FGF14: variants seen among roughly 807,000 people sequenced by gnomAD.
The protein encoded by FGF14 is fibroblast growth factor 14, also known as fibroblast growth factor homologous factor 4.
FGF14 carries 5 observed loss-of-function variants against 25.5 expected under a neutral mutation model. The observed-to-expected ratio is 0.20, with a 90% CI of 0.10 to 0.41. The LOEUF is 0.41. Ranked by LOEUF, FGF14 falls within the 10% of genes least tolerant of loss-of-function variation. FGF14 has a pLI of 1.00. For synonymous variants in FGF14, 138 were observed against 118.3 expected (o/e 1.17, Z -1.08); for missense variants, 222 against 320.1 (o/e 0.69, Z 2.34).
At chr13:102,189,815 T>C (rs1466322620) in intron 1 of FGF14, among the ~76,000 whole-genome samples, 2 of 152,084 alleles carry the variant, frequency 1.3e-5, no homozygotes, top group African/African-American at 4.8e-5. Flanking sequence ...GTTGAAGGCA[T>C]AGGAGGAGCC....
chr13:101,936,660 G>A (rs956498922), intron 1 of FGF14, among the ~76,000 whole-genome samples: 9 of 152,168 alleles, frequency 5.9e-5, no homozygotes, highest in African/African-American at 1.9e-4. Flanking sequence ...GGAGCTAGCT[G>A]CCTTCTTCCT....
intron 1 of FGF14, among the ~76,000 whole-genome samples, chr13:101,953,667 T>C (rs2139408830): frequency 6.6e-6 from 1 of 151,744 alleles, no homozygotes; most frequent in East Asian, 1.9e-4. Context: ...CTTGGCTCAC[T>C]GCAACCTCTG....
intron 3 of FGF14, among the ~76,000 whole-genome samples, chr13:101,824,342 C>A (rs1055800565): frequency 6.6e-6 from 1 of 152,108 alleles, no homozygotes; most frequent in African/African-American, 2.4e-5. Flanking sequence ...TGCGCGCGTG[C>A]ACGCTTACCA....
At chr13:102,003,994 C>T (rs2139755044) in intron 1 of FGF14, among the ~76,000 whole-genome samples, 2 of 152,256 alleles carry the variant, frequency 1.3e-5, no homozygotes, top group East Asian at 3.9e-4. Flanking sequence ...TCATACCTCC[C>T]CAGAGAGTTA....
chr13:101,724,595 AAAATATATATATAT>A (rs2035246980), intron 4 of FGF14, among the ~76,000 whole-genome samples: 4 of 35,168 alleles, frequency 1.1e-4, no homozygotes, highest in African/African-American at 3.2e-4. Context: ...GTATAATAAT[AAAATATATATATAT>A]ATATATATAT....
intron 1 of FGF14, among the ~76,000 whole-genome samples, chr13:102,099,831 T>C (rs1165661549): frequency 6.6e-6 from 1 of 152,014 alleles, no homozygotes. Context: ...ATGACTATGA[T>C]ATATAGTTAG....
At chr13:102,294,874 G>A (rs1305523464) in intron 1 of FGF14, among the ~76,000 whole-genome samples, 2 of 152,176 alleles carry the variant, frequency 1.3e-5, no homozygotes, top group African/African-American at 4.8e-5. Flanking sequence ...TGAGGTTACC[G>A]TGAGGACTAA....
At position 101,716,457 on chromosome 13, in the gene FGF14, G is replaced by A. The variant is rs1449808709; in HGVS notation, c.*6374C>T. 1 of 152,094 alleles carries A rather than the reference G, an allele frequency of 6.6e-6. No individual in the cohort carries two copies. Among genetic ancestry groups the A allele is most frequent in the Non-Finnish European group, 1.5e-5 (1 of 68,012 alleles). 9.4% of individuals were successfully genotyped at this position (152,094 alleles called of 1,614,324 possible). Reference sequence around the variant, plus strand: ...CAGAAGTTGTTTATACTCTGTGTCAGTATATATATCTACTGATAATTAAAA... The same window carrying A: ...CAGAAGTTGTTTATACTCTGTGTCAATATATATATCTACTGATAATTAAAA... On this transcript the variant is annotated 3_prime_UTR_variant, in exon 5 of 5. Coordinates refer to ENST00000376143, the MANE Select transcript of FGF14 (RefSeq NM_004115.4).
chr13:102,362,048 G>A (rs746637509), intron 1 of FGF14, among the ~76,000 whole-genome samples: 10 of 151,906 alleles, frequency 6.6e-5, no homozygotes, highest in Admixed American at 4.6e-4. Flanking sequence ...AAGTATTGTC[G>A]TGCCCTTCTT....
intron 1 of FGF14, among the ~76,000 whole-genome samples, chr13:102,120,421 CAG>C (rs1479938797): frequency 5.9e-5 from 9 of 152,148 alleles, no homozygotes; most frequent in African/African-American, 1.9e-4. Flanking sequence ...GGAGAGCTAT[CAG>C]AGAGACCTTT....
intron 3 of FGF14, among the ~76,000 whole-genome samples, chr13:101,755,337 G>A (rs182277643): frequency 2.3e-4 from 35 of 151,770 alleles, no homozygotes; most frequent in African/African-American, 7.0e-4. Context: ...TAAACTTTAC[G>A]TTACACATGA....
Position 101,944,108 on chromosome 13 carries a change from C to T in FGF14, c.209-68812G>A, listed in dbSNP as rs1271609500. 2.0e-5 allele frequency among the ~76,000 whole-genome samples: 3 copies of T among 151,796 alleles called. No individual in the cohort carries two copies. In the East Asian group the frequency reaches 5.8e-4, roughly 29 times the overall value. Reference sequence around the variant, plus strand: ...TGCTTTTAGACTGTGAAGTTGTCTGCATATTTTCAAAGACAGTGCCATACT... The same window carrying T: ...TGCTTTTAGACTGTGAAGTTGTCTGTATATTTTCAAAGACAGTGCCATACT... On this transcript the variant is annotated intron_variant, in intron 1 of 4. Coordinates refer to the FGF14 transcript ENST00000376131.
intron 3 of FGF14, among the ~76,000 whole-genome samples, chr13:101,864,871 C>T (rs2044616194): frequency 6.6e-6 from 1 of 152,084 alleles, no homozygotes; most frequent in South Asian, 2.1e-4. Flanking sequence ...ATTACCTTAT[C>T]ATTCAGAAAA....
chr13:102,135,616 A>G (rs545014218), intron 1 of FGF14, among the ~76,000 whole-genome samples: 1 of 152,344 alleles, frequency 6.6e-6, no homozygotes, highest in Admixed American at 6.5e-5. Flanking sequence ...GCCTGTAAAC[A>G]GAATTTCTCT....
At chr13:102,271,090 G>C (rs1033229527) in intron 1 of FGF14, among the ~76,000 whole-genome samples, 1 of 152,106 alleles carries the variant, frequency 6.6e-6, no homozygotes. Flanking sequence ...GATATTATTA[G>C]TTTCATCTTG....
At chr13:102,272,926 GT>G in intron 1 of FGF14, among the ~76,000 whole-genome samples, 1 of 152,236 alleles carries the variant, frequency 6.6e-6, no homozygotes. Flanking sequence ...AGCTTCAAAC[GT>G]AGTTTAATTT....
intron 3 of FGF14, among the ~76,000 whole-genome samples, chr13:101,856,517 T>C (rs999166615): frequency 2.5e-4 from 38 of 152,058 alleles, no homozygotes; most frequent in African/African-American, 8.4e-4. Flanking sequence ...AATGGCAATA[T>C]TTAAATAATA....
intron 1 of FGF14, among the ~76,000 whole-genome samples, chr13:102,155,247 G>A (rs549111050): frequency 6.6e-6 from 1 of 152,262 alleles, no homozygotes; most frequent in South Asian, 2.1e-4. Context: ...TTCCAAAATT[G>A]ACCACATAGG....
intron 1 of FGF14, among the ~76,000 whole-genome samples, chr13:101,939,135 G>A (rs1219684401): frequency 6.6e-6 from 1 of 152,164 alleles, no homozygotes; most frequent in Non-Finnish European, 1.5e-5. Context: ...TATGGCCCTA[G>A]TCAAACATTC....
Sources: allele counts gnomAD v4.1 joint callset (sites outside exome capture counted in the v4.1 genomes callset), GRCh38; gene constraint gnomAD v4.1.1; transcripts MANE v1.5; gene names NCBI Gene and HGNC (gene_info 2026-07-23, HGNC 2026-07-21).